FNBP1: variants seen among roughly 807,000 people sequenced by gnomAD.
FNBP1 encodes formin binding protein 1, also known as formin-binding protein 1.
In FNBP1, 26 loss-of-function variants were observed where a neutral mutation model predicts 90.6. The observed-to-expected ratio is 0.29, with a 90% CI of 0.21 to 0.40. The LOEUF is 0.40. Among genes scored for constraint, FNBP1 ranks in the 10% least tolerant of loss-of-function variants. The probability of loss-of-function intolerance (pLI) is 1.00; values close to 1 mark genes in which losing one functional copy is unlikely to be tolerated. For synonymous variants in FNBP1, 260 were observed against 265.2 expected, an observed-to-expected ratio of 0.98 and a Z score of 0.19; for missense variants, 635 against 768.0, an observed-to-expected ratio of 0.83 and a Z score of 2.05.
Position 129,994,940 on chromosome 9 carries a change from C to G in FNBP1, c.43G>C (p.Glu15Gln), listed in dbSNP as rs1251744795. The change falls in exon 2 of 17, where the codon GAA becomes CAA. Residue 15 changes from glutamate to glutamine, a missense_variant. Coordinates refer to ENST00000446176, the MANE Select transcript of FNBP1 (RefSeq NM_015033.3). ...TCAATTCCCCACTGTGTGTGTTTTT[C>G]TAAGTTGTCAAACTGATCCTGTTGA... ...TELWDQFDNL[E>Q]KHTQWGIDIL... is the part of the protein sequence containing the mutation. 1.3e-6 allele frequency: 2 copies of G among 1,585,880 alleles called. No individual in the cohort carries two copies. The highest frequency in any genetic ancestry group is 1.7e-6 in the Non-Finnish European group (2 of 1,157,508).
chr9:129,927,409 G>C, intron 7 of FNBP1, 68 bp from the exon 8 acceptor site: 1 of 1,499,814 alleles, frequency 6.7e-7, no homozygotes, highest in Middle Eastern at 1.7e-4. Flanking sequence ...TTTTTCGGCA[G>C]CATTGTTACC....
upstream of FNBP1, among the ~76,000 whole-genome samples, chr9:130,047,874 G>C (rs542220471): frequency 1.3e-5 from 2 of 152,264 alleles, no homozygotes; most frequent in Admixed American, 1.3e-4. Context: ...TAGGTGGACA[G>C]ATATTTATAT....
intron 1 of FNBP1, among the ~76,000 whole-genome samples, chr9:130,026,728 G>A (rs2058374600): frequency 2.0e-5 from 3 of 152,018 alleles, no homozygotes; most frequent in Admixed American, 1.3e-4. Flanking sequence ...CAAGGCGGGT[G>A]GATCACTTGA....
rs180731225 is a variant in FNBP1, at chr9:129,933,530, T to A, written c.514-3835A>T. 6 of 152,254 alleles carry A rather than the reference T, an allele frequency of 3.9e-5. No homozygotes were observed. In the East Asian group the frequency reaches 1.2e-3, roughly 29 times the overall value. 9.4% of individuals were successfully genotyped at this position (152,254 alleles called of 1,614,324 possible). A position where few individuals can be genotyped will look rare whatever the true frequency, so the allele number is the denominator to read the frequency against. ...TTTCTATGCAGTAATCCTGAAAACA[T>A]AACAAGGGCCCTAGACGTGAACTGT... On this transcript the variant is annotated intron_variant, in intron 6 of 16. Transcript: ENST00000446176.
upstream of FNBP1, among the ~76,000 whole-genome samples, chr9:130,046,481 C>G (rs2060060298): frequency 1.3e-5 from 2 of 149,722 alleles, no homozygotes; most frequent in African/African-American, 4.9e-5. Flanking sequence ...CGCCTGTAAT[C>G]CCAGCACTTT....
At chr9:130,026,692 C>T (rs1448236369) in intron 1 of FNBP1, among the ~76,000 whole-genome samples, 7 of 151,992 alleles carry the variant, frequency 4.6e-5, no homozygotes, top group Non-Finnish European at 1.0e-4. Context: ...GTGGCTCACG[C>T]TTCTAATCTT....
At chr9:130,022,045 G>A (rs2057882560) in intron 1 of FNBP1, among the ~76,000 whole-genome samples, 2 of 152,060 alleles carry the variant, frequency 1.3e-5, no homozygotes, top group African/African-American at 4.8e-5. Context: ...TTTTTGTAGA[G>A]ACAAGGTCTC....
At chr9:129,942,556 C>T (rs1256635526) in intron 6 of FNBP1, among the ~76,000 whole-genome samples, 2 of 152,330 alleles carry the variant, frequency 1.3e-5, no homozygotes, top group Non-Finnish European at 2.9e-5. Flanking sequence ...TTATTTAATA[C>T]AATCCAGTAG....
rs2047417427 is a variant in FNBP1 at position 129,959,177 on chromosome 9, T to TAGTC, written c.346-628_346-625dup. Among the ~76,000 whole-genome samples the TAGTC allele has an allele frequency of 2.6e-5, 4 of 151,054 alleles. No homozygotes were observed. In the South Asian group the frequency reaches 8.4e-4, roughly 32 times the overall value. On this transcript the variant is annotated intron_variant, in intron 4 of 16. Coordinates refer to ENST00000446176, the MANE Select transcript of FNBP1 (RefSeq NM_015033.3). ...CCAGGCATGGTGGTGAGCACACCTG[T>TAGTC]AGTCAGTTACTTGGGAGGCTGAGGT...
At position 129,927,194 on chromosome 9, in the gene FNBP1, C is replaced by T; in HGVS notation, c.789+1G>A. ...AATGAAGTCCAAATGGCAATACTTA[C>T]ATTTTTCTGATCAATTGATTCGGCT... On this transcript the variant is annotated splice_donor_variant, in intron 8 of 16. Coordinates refer to ENST00000446176, the MANE Select transcript of FNBP1 (RefSeq NM_015033.3). LOFTEE classifies it high-confidence loss of function. 6.2e-7 allele frequency: 1 copy of T among 1,613,618 alleles called. No individual in the cohort carries two copies. The highest frequency in any genetic ancestry group is 8.5e-7 in the Non-Finnish European group (1 of 1,179,712).
intron 13 of FNBP1, among the ~76,000 whole-genome samples, chr9:129,901,170 C>A (rs1336269741): frequency 6.6e-6 from 1 of 152,092 alleles, no homozygotes; most frequent in Non-Finnish European, 1.5e-5. Context: ...CTTTGGGAGG[C>A]CGAGGTGGGT....
chr9:129,913,050 C>T (rs555269871), intron 11 of FNBP1, among the ~76,000 whole-genome samples: 1 of 151,818 alleles, frequency 6.6e-6, no homozygotes, highest in Non-Finnish European at 1.5e-5. Context: ...AACCCTGTCT[C>T]TACAAAAATT....
chr9:129,964,511 T>C, intron 4 of FNBP1, among the ~76,000 whole-genome samples: 1 of 152,020 alleles, frequency 6.6e-6, no homozygotes, highest in Non-Finnish European at 1.5e-5. Context: ...ATTTCAACTT[T>C]TTAGTTGAAA....
At chr9:129,947,057 G>A (rs950566328) in intron 6 of FNBP1, among the ~76,000 whole-genome samples, 5 of 152,170 alleles carry the variant, frequency 3.3e-5, no homozygotes, top group East Asian at 1.9e-4. Flanking sequence ...CAGACAAACT[G>A]TGATTTTAAA....
intron 10 of FNBP1, among the ~76,000 whole-genome samples, chr9:129,919,884 G>A (rs190905862): frequency 1.4e-4 from 22 of 152,310 alleles, no homozygotes; most frequent in African/African-American, 4.8e-4. Context: ...TGTTGGTCAC[G>A]GAAGCTGTCA....
At chr9:130,045,009 A>T (rs368729438), upstream of FNBP1, 2 of 152,206 alleles carry the variant, frequency 1.3e-5, no homozygotes, top group African/African-American at 4.8e-5. Context: ...AACAAAAAAA[A>T]ACCTCTTGCA....
chr9:130,039,544 T>A (rs1425181423), intron 1 of FNBP1, among the ~76,000 whole-genome samples: 1 of 151,814 alleles, frequency 6.6e-6, no homozygotes, highest in African/African-American at 2.4e-5. Flanking sequence ...GGTGTGATAA[T>A]GCACACCTGT....
chr9:130,046,740 C>A (rs2132509359), upstream of FNBP1, among the ~76,000 whole-genome samples: 1 of 147,242 alleles, frequency 6.8e-6, no homozygotes, highest in African/African-American at 2.5e-5. Context: ...TACACTCCAG[C>A]CACTGTACTC....
Position 130,019,944 on chromosome 9 carries a change from C to T in FNBP1, c.24+23008G>A, listed in dbSNP as rs2057653160. ...AAACAAAACAAAACAAAAAAGGCTA[C>T]AGAACTTGAGAGTGGCTGCCATGGT... On this transcript the variant is annotated intron_variant, in intron 1 of 16. Transcript: ENST00000446176. Among the ~76,000 whole-genome samples the T allele has an allele frequency of 2.6e-5, 4 of 152,130 alleles. No individual in the cohort carries two copies. In the South Asian group the frequency reaches 8.3e-4, roughly 31 times the overall value.
Sources: gnomAD v4.1 joint callset for allele counts (sites outside exome capture counted in the v4.1 genomes callset) on GRCh38, gnomAD v4.1.1 for gene constraint, MANE v1.5 for transcripts, NCBI Gene and HGNC (gene_info 2026-07-23, HGNC 2026-07-21) for gene names.